The following SLC16A12 variants were observed in gnomAD, a reference collection of about 807,000 sequenced individuals.
SLC16A12 encodes the protein monocarboxylate transporter 12.
SLC16A12 carries 17 observed loss-of-function variants against 42.4 expected under a neutral mutation model. The ratio of observed to expected loss-of-function variants is 0.40; its 90% CI spans 0.27 to 0.60. SLC16A12 has a LOEUF of 0.60. Ranked by LOEUF, SLC16A12 falls within the 20% of genes least tolerant of loss-of-function variation. The pLI, the probability that SLC16A12 is intolerant of heterozygous loss-of-function variation, is 0.42. For missense variants in SLC16A12, 544 were observed against 623.0 expected (o/e 0.87, Z 1.35); for synonymous variants, 224 against 229.4 (o/e 0.98, Z 0.21).
At chr10:89,487,178 C>T (rs1406056971) in intron 2 of SLC16A12, among the ~76,000 whole-genome samples, 19 of 152,182 alleles carry the variant, frequency 1.2e-4, no homozygotes, top group Admixed American at 1.2e-3. Flanking sequence ...CAAGCCTTCT[C>T]TAAGGGGAAA....
At chr10:89,531,937 C>T (rs528579776) in intron 2 of SLC16A12, among the ~76,000 whole-genome samples, 8 of 152,298 alleles carry the variant, frequency 5.3e-5, no homozygotes, top group Non-Finnish European at 8.8e-5. Flanking sequence ...TTATGCATCT[C>T]TTATGGTAGT....
At chr10:89,544,662 T>C (rs1315604041) in intron 2 of SLC16A12, among the ~76,000 whole-genome samples, 1 of 152,228 alleles carries the variant, frequency 6.6e-6, no homozygotes, top group Non-Finnish European at 1.5e-5. Flanking sequence ...TTAGTTCCTA[T>C]GATATACCAG....
intron 2 of SLC16A12, among the ~76,000 whole-genome samples, chr10:89,468,637 T>C (rs948288978): frequency 3.9e-5 from 6 of 152,214 alleles, no homozygotes; most frequent in Non-Finnish European, 1.5e-5. Flanking sequence ...AAACAACGCA[T>C]GTGAGTTTCT....
intron 2 of SLC16A12, among the ~76,000 whole-genome samples, chr10:89,554,095 AGAAAGAAG>A (rs1390000727): frequency 1.7e-3 from 43 of 25,554 alleles, no homozygotes; most frequent in African/African-American, 6.3e-3. Context: ...AAAGAAAGAA[AGAAAGAAG>A]GAAGGAAGGA....
chr10:89,440,619 G>A (rs1228891328), intron 5 of SLC16A12, among the ~76,000 whole-genome samples: 1 of 152,180 alleles, frequency 6.6e-6, no homozygotes, highest in Admixed American at 6.5e-5. Context: ...ATTTGCTAAA[G>A]TGATACTTCC....
chr10:89,500,088 T>C (rs1842972405), intron 2 of SLC16A12, among the ~76,000 whole-genome samples: 1 of 151,960 alleles, frequency 6.6e-6, no homozygotes, highest in Non-Finnish European at 1.5e-5. Context: ...ACCTCCTAGC[T>C]CAAAGCAGGA....
At chr10:89,540,812 G>A (rs986692612) in intron 2 of SLC16A12, among the ~76,000 whole-genome samples, 2 of 151,908 alleles carry the variant, frequency 1.3e-5, no homozygotes, top group Non-Finnish European at 2.9e-5. Flanking sequence ...TTATCTTTCT[G>A]GAGTCATGGT....
chr10:89,504,433 C>T (rs949396959), intron 2 of SLC16A12, among the ~76,000 whole-genome samples: 1 of 152,068 alleles, frequency 6.6e-6, no homozygotes, highest in Non-Finnish European at 1.5e-5. Flanking sequence ...TAATCAAACA[C>T]AGTAAGTGAA....
At chr10:89,439,755 C>T (rs1405671506) in intron 5 of SLC16A12, among the ~76,000 whole-genome samples, 1 of 151,972 alleles carries the variant, frequency 6.6e-6, no homozygotes, top group Non-Finnish European at 1.5e-5. Flanking sequence ...CAAATGTTGA[C>T]ACTTTAGAAA....
intron 3 of SLC16A12, among the ~76,000 whole-genome samples, chr10:89,446,632 C>T (rs1428708573): frequency 3.9e-5 from 6 of 152,140 alleles, no homozygotes; most frequent in East Asian, 1.9e-4. Context: ...AAGGAACAAT[C>T]GGTACCAGCC....
chr10:89,471,996 G>A (rs1173782635), intron 2 of SLC16A12, among the ~76,000 whole-genome samples: 1 of 151,922 alleles, frequency 6.6e-6, no homozygotes. Context: ...TTGGGATACA[G>A]GAATACTTTA....
intron 2 of SLC16A12, among the ~76,000 whole-genome samples, chr10:89,531,920 A>G (rs1249787239): frequency 1.3e-5 from 2 of 152,094 alleles, no homozygotes; most frequent in Non-Finnish European, 2.9e-5. Context: ...TTTAATTCCC[A>G]AAGTACTTAT....
At chr10:89,542,291 ATTTTCTTTTT>A (rs1300532264) in intron 2 of SLC16A12, among the ~76,000 whole-genome samples, 5 of 143,932 alleles carry the variant, frequency 3.5e-5, no homozygotes, top group African/African-American at 8.0e-5. Flanking sequence ...CTTCTGTTAT[ATTTTCTTTTT>A]TTTTCTTTTT....
At chr10:89,512,614 A>T (rs181164863) in intron 2 of SLC16A12, among the ~76,000 whole-genome samples, 1 of 152,326 alleles carries the variant, frequency 6.6e-6, no homozygotes, top group Non-Finnish European at 1.5e-5. Context: ...GGTGAACAAG[A>T]ATGCATCCAC....
At chr10:89,502,920 G>T (rs1737693032) in intron 2 of SLC16A12, among the ~76,000 whole-genome samples, 2 of 152,216 alleles carry the variant, frequency 1.3e-5, no homozygotes, top group South Asian at 4.1e-4. Flanking sequence ...ATGAGCAATG[G>T]TGATCAGCAA....
chr10:89,468,882 C>A (rs1412298230), intron 2 of SLC16A12, among the ~76,000 whole-genome samples: 2 of 152,128 alleles, frequency 1.3e-5, no homozygotes, highest in African/African-American at 4.8e-5. Flanking sequence ...GTAATCCCAG[C>A]ACTTTTGGAG....
chr10:89,539,967 TTCTTTCTC>T (rs1390761810), upstream of SLC16A12, among the ~76,000 whole-genome samples: 1 of 151,408 alleles, frequency 6.6e-6, no homozygotes, highest in Non-Finnish European at 1.5e-5. Flanking sequence ...TCTTCTTTCT[TTCTTTCTC>T]TCTTTCTTTC....
chr10:89,548,901 T>G (rs1397452763), intron 2 of SLC16A12, among the ~76,000 whole-genome samples: 1 of 151,604 alleles, frequency 6.6e-6, no homozygotes, highest in African/African-American at 2.4e-5. Flanking sequence ...ATTTAGAGAG[T>G]GGAGAGGGAT....
At chr10:89,542,500 C>T (rs149492213) in intron 2 of SLC16A12, among the ~76,000 whole-genome samples, 2 of 152,158 alleles carry the variant, frequency 1.3e-5, no homozygotes, top group Non-Finnish European at 2.9e-5. Context: ...GATAGGGTTT[C>T]ACCATGTTGG....
Sources: gnomAD v4.1 joint callset for allele counts (sites outside exome capture counted in the v4.1 genomes callset) on GRCh38, gnomAD v4.1.1 for gene constraint, MANE v1.5 for transcripts, NCBI Gene and HGNC (gene_info 2026-07-23, HGNC 2026-07-21) for gene names.